MYO1H: variants seen among roughly 807,000 people sequenced by gnomAD.
MYO1H encodes the protein myosin IH.
A neutral mutation model predicts 149.3 loss-of-function variants in MYO1H; 118 were observed. The observed-to-expected ratio is 0.79, with a 90% CI of 0.68 to 0.92. MYO1H has a LOEUF of 0.92. Among genes scored for constraint, MYO1H ranks in the 40% least tolerant of loss-of-function variants. The pLI, the probability that MYO1H is intolerant of heterozygous loss-of-function variation, is 0.00. For synonymous variants in MYO1H, 447 were observed against 465.2 expected (o/e 0.96, Z 0.50); for missense variants, 1,212 against 1,280.7 (o/e 0.95, Z 0.82).
the MYO1H span, among the ~76,000 whole-genome samples, chr12:109,317,797 G>A: frequency 3.2e-4 from 49 of 152,284 alleles, no homozygotes; most frequent in African/African-American, 1.2e-3. Context: ...TCTCTATTGG[G>A]CCAAGTAATT....
chr12:109,334,749 G>A, the MYO1H span, among the ~76,000 whole-genome samples: 2 of 152,180 alleles, frequency 1.3e-5, no homozygotes, highest in East Asian at 3.9e-4. Flanking sequence ...CTTGTTATTT[G>A]TGTTGCTTTT....
Position 109,443,162 on chromosome 12 carries a change from ATATGTGTACG to A in MYO1H, c.2689-344_2689-335del, listed in dbSNP as rs1566045073. On this transcript the variant is annotated intron_variant, in intron 27 of 31. Transcript: ENST00000310903. ...TGTATATGTGTACGTATGTGTGTGT[ATATGTGTACG>A]TATGTGTGTATATGTGTACGTATAT... is the stretch of plus-strand genomic sequence containing the variant. Among the ~76,000 whole-genome samples, 3 of 134,088 alleles carry A rather than the reference ATATGTGTACG, an allele frequency of 2.2e-5. 1 individual carries two copies. 88.0% of individuals were successfully genotyped at this position (134,088 alleles called of 152,430 possible).
the MYO1H span, among the ~76,000 whole-genome samples, chr12:109,324,703 C>CT: frequency 1.4e-3 from 196 of 144,698 alleles, 1 homozygote; most frequent in African/African-American, 4.3e-3. Context: ...TTTTTCTTTT[C>CT]TTTTTTTTTT....
intron 1 of MYO1H, among the ~76,000 whole-genome samples, chr12:109,359,991 C>T (rs1478616596): frequency 2.0e-5 from 3 of 152,192 alleles, no homozygotes; most frequent in South Asian, 2.1e-4. Context: ...TGTCCTGTTC[C>T]GGCGGCCGGA....
chr12:109,316,643 T>A, the MYO1H span, among the ~76,000 whole-genome samples: 3 of 152,076 alleles, frequency 2.0e-5, no homozygotes, highest in Non-Finnish European at 4.4e-5. Flanking sequence ...GTATTAACAA[T>A]CCCCCAGCCT....
the MYO1H span, among the ~76,000 whole-genome samples, chr12:109,342,758 G>A: frequency 6.6e-6 from 1 of 151,530 alleles, no homozygotes; most frequent in Non-Finnish European, 1.5e-5. Flanking sequence ...GCCCATGCTG[G>A]TCTCGAACTC....
chr12:109,318,972 G>GTTTTTTTTTTTTTTTTTTTTTTTT, the MYO1H span, among the ~76,000 whole-genome samples: 3 of 77,266 alleles, frequency 3.9e-5, no homozygotes, highest in Non-Finnish European at 5.1e-5. Context: ...TTTTGGTTTT[G>GTTTTTTTTTTTTTTTTTTTTTTTT]TTTTTTTTTT....
At chr12:109,429,084 G>GT (rs1871502709) in intron 19 of MYO1H, among the ~76,000 whole-genome samples, 1 of 152,174 alleles carries the variant, frequency 6.6e-6, no homozygotes, top group Non-Finnish European at 1.5e-5. Context: ...GCGCATGCCT[G>GT]TAATTCCAGC....
intron 1 of MYO1H, among the ~76,000 whole-genome samples, chr12:109,372,364 A>G (rs1206378486): frequency 6.6e-6 from 1 of 152,096 alleles, no homozygotes; most frequent in African/African-American, 2.4e-5. Flanking sequence ...TCCAACATTA[A>G]TTTTGAAAAT....
At chr12:109,429,255 G>A (rs988009894) in intron 19 of MYO1H, among the ~76,000 whole-genome samples, 3 of 152,120 alleles carry the variant, frequency 2.0e-5, no homozygotes, top group Non-Finnish European at 4.4e-5. Context: ...CACTGTCCTA[G>A]GTGCTGGGGT....
At chr12:109,390,861 T>C (rs1402339831) in intron 2 of MYO1H, among the ~76,000 whole-genome samples, 1 of 151,594 alleles carries the variant, frequency 6.6e-6, no homozygotes, top group African/African-American at 2.4e-5. Context: ...AGAGATGGGG[T>C]TTCATCATGT....
intron 1 of MYO1H, among the ~76,000 whole-genome samples, chr12:109,363,957 T>G (rs1868809608): frequency 6.6e-6 from 1 of 151,918 alleles, no homozygotes; most frequent in Non-Finnish European, 1.5e-5. Flanking sequence ...CCCAGCACTT[T>G]GGGAGGCTGA....
intron 1 of MYO1H, among the ~76,000 whole-genome samples, chr12:109,365,136 T>A (rs183040614): frequency 2.6e-4 from 40 of 152,126 alleles, no homozygotes; most frequent in South Asian, 1.0e-3. Flanking sequence ...CTTAGCTTGA[T>A]GTGGTAGTGT....
chr12:109,420,811 C>A (rs1871139580), intron 15 of MYO1H, among the ~76,000 whole-genome samples, 170 bp from the exon 16 acceptor site: 1 of 152,120 alleles, frequency 6.6e-6, no homozygotes, highest in African/African-American at 2.4e-5. Flanking sequence ...GGGACAGCCC[C>A]CACCACAAAG....
In MYO1H at chr12:109,441,960, T is replaced by C. The variant is rs192705007; in HGVS notation, c.2632+252T>C. On this transcript the variant is annotated intron_variant, in intron 26 of 31. Coordinates refer to ENST00000310903, the Ensembl canonical transcript of MYO1H. ...TACTCGGGAGGCAGAGGCAGGAGAA[T>C]GGCTTGAACCCAGGAGGCGGAGGAC... Among the ~76,000 whole-genome samples, 1,127 of 152,190 alleles carry C rather than the reference T, an allele frequency of 7.4e-3. 7 individuals carry two copies. Among genetic ancestry groups the C allele is most frequent in the Admixed American group, 0.012 (190 of 15,292 alleles).
chr12:109,425,925 T>C (rs1566038066), intron 17 of MYO1H, 21 bp from the exon 18 acceptor site: 1 of 1,509,258 alleles, frequency 6.6e-7, no homozygotes, highest in East Asian at 2.3e-5. Flanking sequence ...GTTCTCTCTC[T>C]CTTTCTCTCT....
chr12:109,379,159 T>G (rs1447827616), intron 1 of MYO1H, among the ~76,000 whole-genome samples: 2 of 152,226 alleles, frequency 1.3e-5, no homozygotes, highest in Non-Finnish European at 2.9e-5. Flanking sequence ...GCCACACATG[T>G]GGCTAGTGGC....
intron 16 of MYO1H, 124 bp from the exon 17 acceptor site, chr12:109,424,624 A>T (rs544567805): frequency 1.1e-5 from 7 of 656,040 alleles, no homozygotes; most frequent in Non-Finnish European, 1.9e-5. Flanking sequence ...TACATTAGGA[A>T]CATCTTCAAG....
chr12:109,363,573 A>G (rs1021440955), intron 1 of MYO1H, among the ~76,000 whole-genome samples: 1 of 152,090 alleles, frequency 6.6e-6, no homozygotes, highest in African/African-American at 2.4e-5. Context: ...TTAGCTGCGT[A>G]CGGTGGTGCA....
Sources: gnomAD v4.1 joint callset for allele counts (sites outside exome capture counted in the v4.1 genomes callset) on GRCh38, gnomAD v4.1.1 for gene constraint, MANE v1.5 for transcripts, NCBI Gene and HGNC (gene_info 2026-07-23, HGNC 2026-07-21) for gene names.